TNNI3K: variants seen among roughly 807,000 people sequenced by gnomAD.
TNNI3K encodes TNNI3 interacting kinase, also known as serine/threonine-protein kinase TNNI3K.
In TNNI3K, 140 loss-of-function variants were observed where a neutral mutation model predicts 114.5. The ratio of observed to expected loss-of-function variants is 1.22; its 90% CI spans 1.07 to 1.41. TNNI3K has a LOEUF of 1.41. TNNI3K is among the 40% of genes most tolerant of loss of function. TNNI3K has a pLI of 0.00. For missense variants in TNNI3K, 1,125 were observed against 1,007.6 expected, an observed-to-expected ratio of 1.12 and a Z score of -1.58; for synonymous variants, 347 against 347.5, an observed-to-expected ratio of 1.00 and a Z score of 0.02.
chr1:74,483,796 T>G (rs538850021), intron 21 of TNNI3K, among the ~76,000 whole-genome samples: 2 of 152,242 alleles, frequency 1.3e-5, no homozygotes, highest in East Asian at 3.9e-4. Context: ...CTTTTAACTT[T>G]CAATCCAGTG....
chr1:74,356,408 T>G (rs1001673757), intron 11 of TNNI3K, among the ~76,000 whole-genome samples: 6 of 152,208 alleles, frequency 3.9e-5, no homozygotes, highest in African/African-American at 1.4e-4. Context: ...GTGTTCTACT[T>G]TGTATTAAAA....
At chr1:74,367,131 A>G (rs1662314291) in intron 11 of TNNI3K, 125 bp from the exon 12 acceptor site, 2 of 865,774 alleles carry the variant, frequency 2.3e-6, no homozygotes, top group African/African-American at 3.4e-5. Context: ...TTTCTATTGC[A>G]ATACATTACC....
intron 5 of TNNI3K, among the ~76,000 whole-genome samples, chr1:74,322,801 A>G (rs1413087474): frequency 6.6e-6 from 1 of 152,070 alleles, no homozygotes; most frequent in Non-Finnish European, 1.5e-5. Flanking sequence ...TCTCCAGGCC[A>G]ACACTACTAC....
chr1:74,308,038 A>C (rs777079834), intron 5 of TNNI3K, among the ~76,000 whole-genome samples: 1 of 151,030 alleles, frequency 6.6e-6, no homozygotes, highest in Non-Finnish European at 1.5e-5. Context: ...TCCATCTAAA[A>C]ATATATATAT....
At chr1:74,382,643 G>A (rs1166505495) in intron 17 of TNNI3K, among the ~76,000 whole-genome samples, 2 of 152,194 alleles carry the variant, frequency 1.3e-5, no homozygotes, top group African/African-American at 2.4e-5. Context: ...AGAATGATTA[G>A]AACTCTTTAA....
At chr1:74,435,848 A>G (rs528679479) in intron 17 of TNNI3K, among the ~76,000 whole-genome samples, 10 of 152,196 alleles carry the variant, frequency 6.6e-5, no homozygotes, top group African/African-American at 2.4e-4. Flanking sequence ...GTTTGTCTAA[A>G]GTAGGAATTC....
In TNNI3K at chr1:74,367,831, T is replaced by C. The variant is rs1035462282; in HGVS notation, c.1265-77T>C. On this transcript the variant is annotated intron_variant, in intron 12 of 24. Transcript: ENST00000326637. ...GTTTTACTTCGTTTCGTCACCTGCT[T>C]ATTTTTATAATGTTGAACTTTTATG... 3.3e-5 allele frequency: 46 copies of C among 1,391,588 alleles called. No individual in the cohort carries two copies. The South Asian group carries it at 6.4e-4, about 19-fold the overall frequency. 86.2% of individuals were successfully genotyped at this position (1,391,588 alleles called of 1,614,324 possible). A position where few individuals can be genotyped will look rare whatever the true frequency, so the allele number is the denominator to read the frequency against.
At chr1:74,417,371 T>C (rs1367568208) in intron 17 of TNNI3K, among the ~76,000 whole-genome samples, 1 of 152,124 alleles carries the variant, frequency 6.6e-6, no homozygotes, top group Non-Finnish European at 1.5e-5. Flanking sequence ...TGCAGGCCCA[T>C]GTCCTCAAGA....
intron 23 of TNNI3K, among the ~76,000 whole-genome samples, chr1:74,530,237 A>C (rs1455387523): frequency 2.6e-5 from 4 of 152,220 alleles, no homozygotes; most frequent in Non-Finnish European, 5.9e-5. Context: ...GCTTGATAAA[A>C]AGCCATGGAA....
At position 74,489,628 on chromosome 1, in the gene TNNI3K, C is replaced by G. The variant is rs45489693; in HGVS notation, c.2181+380C>G. On this transcript the variant is annotated intron_variant, in intron 22 of 24. Coordinates refer to ENST00000326637, the MANE Select transcript of TNNI3K (RefSeq NM_015978.3). ...AGCCATTGTTCATTTACATTCAATG[C>G]GAAAAGAAAAATTATCAATAAAATA... Among the ~76,000 whole-genome samples, 1,193 of 152,048 alleles carry G rather than the reference C, an allele frequency of 7.8e-3. 17 individuals are homozygous for G. Among genetic ancestry groups the G allele is most frequent in the African/African-American group, 0.028 (1,157 of 41,496 alleles).
At chr1:74,350,846 G>A (rs1443579180) in intron 9 of TNNI3K, among the ~76,000 whole-genome samples, 1 of 151,396 alleles carries the variant, frequency 6.6e-6, no homozygotes, top group African/African-American at 2.4e-5. Context: ...CCTTTATTTT[G>A]AGCCTATGTG....
At chr1:74,389,338 GATA>G (rs1176179087) in intron 17 of TNNI3K, among the ~76,000 whole-genome samples, 1 of 152,192 alleles carries the variant, frequency 6.6e-6, no homozygotes, top group Admixed American at 6.5e-5. Flanking sequence ...TGTCAGGGTA[GATA>G]ATGATGCACA....
chr1:74,252,793 T>A (rs1655018158), intron 4 of TNNI3K, among the ~76,000 whole-genome samples: 1 of 152,170 alleles, frequency 6.6e-6, no homozygotes, highest in Non-Finnish European at 1.5e-5. Context: ...CGGTGAGTGT[T>A]ACAGCTCATA....
chr1:74,265,159 G>A (rs1163215348), intron 4 of TNNI3K, among the ~76,000 whole-genome samples: 2 of 151,880 alleles, frequency 1.3e-5, no homozygotes, highest in African/African-American at 2.4e-5. Context: ...TTTATGCTAT[G>A]GAATGCCAAT....
intron 5 of TNNI3K, among the ~76,000 whole-genome samples, chr1:74,295,513 A>G (rs754816365): frequency 5.9e-5 from 9 of 152,170 alleles, no homozygotes; most frequent in South Asian, 2.1e-4. Context: ...TTCAAATTAT[A>G]TATTTTAAGC....
intron 17 of TNNI3K, among the ~76,000 whole-genome samples, chr1:74,412,109 G>A (rs942943046): frequency 1.3e-5 from 2 of 152,128 alleles, no homozygotes; most frequent in African/African-American, 4.8e-5. Context: ...CCTGCTTATT[G>A]AGTAAGGAGA....
intron 20 of TNNI3K, among the ~76,000 whole-genome samples, chr1:74,461,497 A>G (rs865987471): frequency 6.6e-6 from 1 of 151,568 alleles, no homozygotes; most frequent in African/African-American, 2.4e-5. Context: ...AAAAAAAAAA[A>G]AAGAGTAACC....
intron 4 of TNNI3K, among the ~76,000 whole-genome samples, chr1:74,253,867 G>C (rs545697367): frequency 6.6e-6 from 1 of 152,312 alleles, no homozygotes; most frequent in East Asian, 1.9e-4. Flanking sequence ...AAGGCACCAA[G>C]AGCGAGCGAG....
chr1:74,398,695 T>G (rs527358443), intron 17 of TNNI3K, among the ~76,000 whole-genome samples: 1 of 152,290 alleles, frequency 6.6e-6, no homozygotes, highest in East Asian at 1.9e-4. Flanking sequence ...TTTGGCCTGA[T>G]AGAAAATATT....
Sources: allele counts gnomAD v4.1 joint callset (sites outside exome capture counted in the v4.1 genomes callset), GRCh38; gene constraint gnomAD v4.1.1; transcripts MANE v1.5; gene names NCBI Gene and HGNC (gene_info 2026-07-23, HGNC 2026-07-21).